Variants in MAPRE1 observed in about 807,000 individuals in gnomAD.
MAPRE1 encodes the protein microtubule-associated protein RP/EB family member 1.
In MAPRE1, 5 loss-of-function variants were observed where a neutral mutation model predicts 32.1. The ratio of observed to expected loss-of-function variants is 0.16; its 90% CI spans 0.08 to 0.33. MAPRE1 has a LOEUF of 0.33. Ranked by LOEUF, MAPRE1 falls within the 10% of genes least tolerant of loss-of-function variation. MAPRE1 has a pLI of 1.00. For missense variants in MAPRE1, 209 were observed against 327.2 expected, an observed-to-expected ratio of 0.64 and a Z score of 2.79; for synonymous variants, 122 against 118.9, an observed-to-expected ratio of 1.03 and a Z score of -0.17.
chr20:32,825,866 T>G, intron 1 of MAPRE1, 59 bp from the exon 2 acceptor site: 1 of 1,465,870 alleles, frequency 6.8e-7, no homozygotes. Flanking sequence ...AGGAAACACT[T>G]GACCTTACTT....
chr20:32,831,408 CT>C (rs764416240), intron 2 of MAPRE1, among the ~76,000 whole-genome samples: 26 of 141,794 alleles, frequency 1.8e-4, no homozygotes, highest in Admixed American at 2.1e-4. Context: ...ATGTTTCTTT[CT>C]TTTTTTTTTA....
At chr20:32,845,088 T>A (rs1318803714) in intron 5 of MAPRE1, among the ~76,000 whole-genome samples, 1 of 152,238 alleles carries the variant, frequency 6.6e-6, no homozygotes, top group Non-Finnish European at 1.5e-5. Context: ...TCTCCCAGAC[T>A]AGAGTGTAAT....
chr20:32,848,061 A>G (rs1388977294), intron 6 of MAPRE1, among the ~76,000 whole-genome samples: 1 of 147,036 alleles, frequency 6.8e-6, no homozygotes, highest in African/African-American at 2.5e-5. Context: ...TTTTTTTTTT[A>G]GTGACGGGGA....
chr20:32,827,560 T>C (rs1323431178), intron 2 of MAPRE1, among the ~76,000 whole-genome samples: 3 of 152,022 alleles, frequency 2.0e-5, no homozygotes, highest in Non-Finnish European at 4.4e-5. Context: ...GTTCACTCAC[T>C]AATCATGAGC....
In MAPRE1 at chr20:32,849,887, C is replaced by T. The variant is rs1568885481; in HGVS notation, c.*1159C>T. On this transcript the variant is annotated 3_prime_UTR_variant, in exon 7 of 7. Coordinates refer to ENST00000375571, the MANE Select transcript of MAPRE1 (RefSeq NM_012325.3). Reference sequence around the variant, plus strand: ...CACTAATCTCTTTGGAGATAAAATTCATTAGTGTGTTACTAAATGTTAATT... The same window carrying T: ...CACTAATCTCTTTGGAGATAAAATTTATTAGTGTGTTACTAAATGTTAATT... 1 of 152,630 alleles carries T rather than the reference C, an allele frequency of 6.6e-6. No homozygotes were observed. The highest frequency in any genetic ancestry group is 2.4e-5 in the African/African-American group (1 of 41,448). 9.5% of individuals were successfully genotyped at this position (152,630 alleles called of 1,614,324 possible).
intron 5 of MAPRE1, among the ~76,000 whole-genome samples, chr20:32,841,470 A>G (rs1487779840): frequency 6.8e-6 from 1 of 147,980 alleles, no homozygotes; most frequent in African/African-American, 2.5e-5. Context: ...TTTTTTAATT[A>G]TTATTATTAT....
chr20:32,837,913 A>G (rs1200635639), intron 4 of MAPRE1, among the ~76,000 whole-genome samples: 1 of 152,092 alleles, frequency 6.6e-6, no homozygotes, highest in East Asian at 1.9e-4. Flanking sequence ...GTGAAAACCC[A>G]TCTCTACTGA....
At chr20:32,828,797 A>G (rs1355656459) in intron 2 of MAPRE1, among the ~76,000 whole-genome samples, 5 of 152,210 alleles carry the variant, frequency 3.3e-5, no homozygotes, top group African/African-American at 9.6e-5. Flanking sequence ...CACACAGCCC[A>G]CATGCATCCT....
At chr20:32,829,219 C>G (rs1982952196) in intron 2 of MAPRE1, among the ~76,000 whole-genome samples, 1 of 152,126 alleles carries the variant, frequency 6.6e-6, no homozygotes, top group Non-Finnish European at 1.5e-5. Flanking sequence ...GGTGGTATGT[C>G]AGTTTTGTCT....
In MAPRE1 at chr20:32,843,386, A is replaced by C. The variant is rs527870515; in HGVS notation, c.598-3232A>C. The C allele has an allele frequency of 3.9e-5, 6 of 152,330 alleles. No homozygotes were observed. In the East Asian group the frequency reaches 1.2e-3, roughly 29 times the overall value. 9.4% of individuals were successfully genotyped at this position (152,330 alleles called of 1,614,324 possible). On this transcript the variant is annotated intron_variant, in intron 5 of 6. Coordinates refer to ENST00000375571, the MANE Select transcript of MAPRE1 (RefSeq NM_012325.3). ...TCCTTGGGAGATCTGCAAAGATTCT[A>C]CATTCCTAAGTCGTCCTGGAGAAAT...
At chr20:32,838,664 T>A (rs1007274236) in intron 4 of MAPRE1, among the ~76,000 whole-genome samples, 1 of 152,222 alleles carries the variant, frequency 6.6e-6, no homozygotes, top group Non-Finnish European at 1.5e-5. Flanking sequence ...TTTTATTCTT[T>A]ACCTGTTTAG....
At chr20:32,824,681 G>GTT (rs11482252) in intron 1 of MAPRE1, among the ~76,000 whole-genome samples, 123 of 139,978 alleles carry the variant, frequency 8.8e-4, no homozygotes, top group East Asian at 1.3e-3. Context: ...AGAATTTATA[G>GTT]TTTTTTTTTT....
At chr20:32,822,439 C>A (rs991741206) in intron 1 of MAPRE1, among the ~76,000 whole-genome samples, 1 of 152,144 alleles carries the variant, frequency 6.6e-6, no homozygotes, top group African/African-American at 2.4e-5. Flanking sequence ...TTGACACAGA[C>A]AAATTTGAAG....
At chr20:32,831,011 A>T (rs1239473606) in intron 2 of MAPRE1, among the ~76,000 whole-genome samples, 1 of 151,856 alleles carries the variant, frequency 6.6e-6, no homozygotes, top group Admixed American at 6.6e-5. Flanking sequence ...GGTGTGAGCC[A>T]CCGCGCCCAG....
At chr20:32,831,165 C>T (rs1983010262) in intron 2 of MAPRE1, among the ~76,000 whole-genome samples, 3 of 151,948 alleles carry the variant, frequency 2.0e-5, no homozygotes, top group African/African-American at 4.8e-5. Context: ...AAATTAAAGG[C>T]CAGGTGTGGT....
chr20:32,844,575 C>A (rs1236467129), intron 5 of MAPRE1, among the ~76,000 whole-genome samples: 1 of 150,038 alleles, frequency 6.7e-6, no homozygotes, highest in African/African-American at 2.4e-5. Flanking sequence ...CCACCATGCC[C>A]AGCTAATTTT....
At chr20:32,835,364 G>GTTTTTTTTTTTTTTTTTTTTTTTTTTTT (rs71190879) in intron 3 of MAPRE1, among the ~76,000 whole-genome samples, 1 of 106,656 alleles carries the variant, frequency 9.4e-6, no homozygotes, top group African/African-American at 4.7e-5. Context: ...TTTTATTGGT[G>GTTTTTTTTTTTTTTTTTTTTTTTTTTTT]TTTTTTTTTT....
At chr20:32,845,648 T>C (rs1311174835) in intron 5 of MAPRE1, among the ~76,000 whole-genome samples, 1 of 152,168 alleles carries the variant, frequency 6.6e-6, no homozygotes, top group Non-Finnish European at 1.5e-5. Context: ...TTTTAAATTT[T>C]TATTATTTAT....
chr20:32,832,702 A>C (rs920504172), intron 2 of MAPRE1, among the ~76,000 whole-genome samples: 3 of 151,956 alleles, frequency 2.0e-5, no homozygotes, highest in African/African-American at 7.3e-5. Flanking sequence ...TGCTGGACTC[A>C]AGTGATCCAC....
Sources: allele counts gnomAD v4.1 joint callset (sites outside exome capture counted in the v4.1 genomes callset), GRCh38; gene constraint gnomAD v4.1.1; transcripts MANE v1.5; gene names NCBI Gene and HGNC (gene_info 2026-07-23, HGNC 2026-07-21).